NAV3: variants seen among roughly 807,000 people sequenced by gnomAD.
NAV3 encodes pore membrane and/or filament interacting like protein 1.
A neutral mutation model predicts 244.7 loss-of-function variants in NAV3; 87 were observed. The observed-to-expected ratio is 0.36, with a 90% CI of 0.30 to 0.42. The LOEUF (loss-of-function observed/expected upper bound fraction) is 0.42, where lower values mean the gene tolerates loss of function less well. Ranked by LOEUF, NAV3 falls within the 20% of genes least tolerant of loss-of-function variation. The probability of loss-of-function intolerance (pLI) is 1.00; values close to 1 mark genes in which losing one functional copy is unlikely to be tolerated. For synonymous variants in NAV3, 1,126 were observed against 1,042.2 expected (o/e 1.08, Z -1.55); for missense variants, 2,663 against 2,893.3 (o/e 0.92, Z 1.83).
intron 5 of NAV3, among the ~76,000 whole-genome samples, chr12:77,979,692 G>T (rs1593182525): frequency 8.0e-6 from 1 of 125,248 alleles, no homozygotes; most frequent in East Asian, 2.3e-4. Flanking sequence ...CTCATAAGAT[G>T]TGAAACGAAA....
rs562328975 is a variant in NAV3, at chr12:78,071,956, A to G, written c.2636+12841A>G. ...GACTACTGGGTACATAATGAAATGA[A>G]GGCAGAAATAAAGATGTTCTTTGAA... On this transcript the variant is annotated intron_variant, in intron 12 of 39. Coordinates refer to ENST00000397909, the MANE Select transcript of NAV3 (RefSeq NM_001024383.2). Among the ~76,000 whole-genome samples the G allele has an allele frequency of 3.2e-3, 489 of 152,346 alleles. 2 individuals carry two copies. The highest frequency in any genetic ancestry group is 0.01 in the Middle Eastern group (3 of 294).
At chr12:77,653,673 G>T (rs1872932144) in intron 2 of NAV3, among the ~76,000 whole-genome samples, 1 of 152,150 alleles carries the variant, frequency 6.6e-6, no homozygotes, top group South Asian at 2.1e-4. Flanking sequence ...ATGTTGCTGG[G>T]AGGAGTTTCC....
At chr12:77,954,787 A>G (rs1464695398) in intron 3 of NAV3, among the ~76,000 whole-genome samples, 2 of 152,240 alleles carry the variant, frequency 1.3e-5, no homozygotes, top group Non-Finnish European at 2.9e-5. Flanking sequence ...ATACTAAAAT[A>G]GGATTTTTTA....
intron 18 of NAV3, among the ~76,000 whole-genome samples, chr12:78,132,310 AC>A (rs1477105733): frequency 3.3e-5 from 5 of 152,154 alleles, no homozygotes; most frequent in Admixed American, 3.3e-4. Context: ...CTGATCAAAT[AC>A]ATCCCTTACA....
At chr12:77,987,478 G>C (rs902143332) in intron 5 of NAV3, among the ~76,000 whole-genome samples, 1 of 152,132 alleles carries the variant, frequency 6.6e-6, no homozygotes, top group Non-Finnish European at 1.5e-5. Context: ...ATAATGACTA[G>C]TGTCTTTCTG....
At chr12:77,992,015 C>G (rs926703055) in intron 5 of NAV3, among the ~76,000 whole-genome samples, 2 of 151,246 alleles carry the variant, frequency 1.3e-5, no homozygotes, top group Non-Finnish European at 2.9e-5. Flanking sequence ...CAGCAAGACT[C>G]CATCTCAAAA....
chr12:77,950,899 C>T (rs927059494), intron 3 of NAV3: 2 of 152,122 alleles, frequency 1.3e-5, no homozygotes, highest in African/African-American at 4.8e-5. Flanking sequence ...CTTTCTTACA[C>T]CTTATACAAA....
At chr12:77,646,190 C>G (rs1405115573) in intron 2 of NAV3, among the ~76,000 whole-genome samples, 1 of 152,112 alleles carries the variant, frequency 6.6e-6, no homozygotes, top group African/African-American at 2.4e-5. Flanking sequence ...AGAACTCACT[C>G]TCATTCATCT....
intron 2 of NAV3, among the ~76,000 whole-genome samples, chr12:77,763,229 C>T (rs1182124593): frequency 6.6e-6 from 1 of 152,028 alleles, no homozygotes; most frequent in Non-Finnish European, 1.5e-5. Context: ...GTCCCTTAAC[C>T]ATACAGATTA....
chr12:77,663,522 CTTTT>C (rs4017472), intron 2 of NAV3, among the ~76,000 whole-genome samples: 3 of 139,340 alleles, frequency 2.2e-5, no homozygotes, highest in Non-Finnish European at 3.1e-5. Context: ...TCTTCTTCTT[CTTTT>C]TTTTTTTTTT....
At chr12:78,109,774 T>C (rs750402460) in intron 12 of NAV3, among the ~76,000 whole-genome samples, 5 of 151,688 alleles carry the variant, frequency 3.3e-5, no homozygotes, top group Non-Finnish European at 7.4e-5. Flanking sequence ...ACTCTAAAAC[T>C]CAGCATAGAA....
intron 2 of NAV3, among the ~76,000 whole-genome samples, chr12:77,757,250 A>C (rs1048309035): frequency 5.3e-5 from 8 of 152,152 alleles, no homozygotes; most frequent in African/African-American, 1.9e-4. Context: ...TGTCTCTCCT[A>C]CTCACATTTC....
intron 31 of NAV3, among the ~76,000 whole-genome samples, chr12:78,187,005 T>A (rs1474230064): frequency 6.6e-6 from 1 of 151,892 alleles, no homozygotes; most frequent in Non-Finnish European, 1.5e-5. Context: ...TGATTTCATT[T>A]AATCCTAATT....
At chr12:78,171,742 A>G (rs531894675) in intron 24 of NAV3, among the ~76,000 whole-genome samples, 1 of 151,496 alleles carries the variant, frequency 6.6e-6, no homozygotes, top group Non-Finnish European at 1.5e-5. Flanking sequence ...ATAAATTTAT[A>G]CTGGAAATCA....
intron 2 of NAV3, among the ~76,000 whole-genome samples, chr12:77,806,933 T>C (rs1326562025): frequency 6.6e-6 from 1 of 152,220 alleles, no homozygotes; most frequent in African/African-American, 2.4e-5. Flanking sequence ...TCCTTCTTTG[T>C]CTTTTTTGAT....
intron 1 of NAV3, among the ~76,000 whole-genome samples, chr12:77,852,394 G>A (rs1300954141): frequency 6.6e-6 from 1 of 152,020 alleles, no homozygotes; most frequent in African/African-American, 2.4e-5. Context: ...ACTTAACCGA[G>A]CGTAGTGGCA....
chr12:77,796,561 G>A (rs961586723), intron 2 of NAV3, among the ~76,000 whole-genome samples: 1 of 152,192 alleles, frequency 6.6e-6, no homozygotes, highest in African/African-American at 2.4e-5. Flanking sequence ...AGAGGACTGA[G>A]TCCCATTTTG....
intron 12 of NAV3, among the ~76,000 whole-genome samples, chr12:78,083,147 G>A (rs1953447412): frequency 6.6e-6 from 1 of 152,200 alleles, no homozygotes; most frequent in African/African-American, 2.4e-5. Flanking sequence ...GCTCTGTAGA[G>A]TCCCAAGGCA....
chr12:78,061,815 T>TA (rs138479632), intron 12 of NAV3, among the ~76,000 whole-genome samples: 12 of 149,972 alleles, frequency 8.0e-5, no homozygotes, highest in East Asian at 3.9e-4. Flanking sequence ...TCATGTTTAC[T>TA]AAAAAAAAAA....
Sources: gnomAD v4.1 joint callset for allele counts (sites outside exome capture counted in the v4.1 genomes callset) on GRCh38, gnomAD v4.1.1 for gene constraint, MANE v1.5 for transcripts, NCBI Gene and HGNC (gene_info 2026-07-23, HGNC 2026-07-21) for gene names.